Variants in YEATS4 observed in about 807,000 individuals in gnomAD.
YEATS4 encodes YEATS domain-containing protein 4.
YEATS4 carries 17 observed loss-of-function variants against 30.1 expected under a neutral mutation model. That is an observed-to-expected ratio of 0.56 (90% CI 0.39 to 0.85). The LOEUF (loss-of-function observed/expected upper bound fraction) is 0.85, where lower values mean the gene tolerates loss of function less well. YEATS4 is among the 40% of genes least tolerant of loss of function. YEATS4 has a pLI of 0.00. For synonymous variants in YEATS4, 85 were observed against 87.5 expected (o/e 0.97, Z 0.16); for missense variants, 142 against 268.3 (o/e 0.53, Z 3.29).
At chr12:69,385,314 G>C (rs930166406) in intron 6 of YEATS4, among the ~76,000 whole-genome samples, 1 of 151,960 alleles carries the variant, frequency 6.6e-6, no homozygotes, top group Admixed American at 6.6e-5. Context: ...GCACTCTCAT[G>C]AATTGTTTTG....
chr12:69,410,286 T>C, the YEATS4 span, among the ~76,000 whole-genome samples: 17 of 152,312 alleles, frequency 1.1e-4, no homozygotes, highest in Non-Finnish European at 2.1e-4. Flanking sequence ...CAACCACTCA[T>C]CTTCTTTGTA....
chr12:69,363,153 C>T (rs961563461), intron 2 of YEATS4, among the ~76,000 whole-genome samples: 6 of 151,398 alleles, frequency 4.0e-5, no homozygotes, highest in Non-Finnish European at 8.8e-5. Flanking sequence ...CCACCACGCC[C>T]GGCTAATTTT....
the YEATS4 span, among the ~76,000 whole-genome samples, chr12:69,404,602 G>A: frequency 7.9e-5 from 12 of 152,200 alleles, no homozygotes; most frequent in African/African-American, 2.7e-4. Context: ...GCAGATGCCA[G>A]TGCCATACCC....
At chr12:69,363,006 T>C in intron 2 of YEATS4, 99 bp downstream of exon 2, 1 of 1,171,100 alleles carries the variant, frequency 8.5e-7, no homozygotes. Context: ...TTTTTTTTTT[T>C]TTTTGAGATG....
intron 6 of YEATS4, among the ~76,000 whole-genome samples, chr12:69,382,965 G>T (rs1190170795): frequency 6.6e-6 from 1 of 152,166 alleles, no homozygotes; most frequent in African/African-American, 2.4e-5. Context: ...GCAATTCAGA[G>T]TACAGCTTTG....
the YEATS4 span, among the ~76,000 whole-genome samples, chr12:69,415,755 G>A: frequency 6.6e-6 from 1 of 152,234 alleles, no homozygotes; most frequent in African/African-American, 2.4e-5. Flanking sequence ...TGATCCCCTG[G>A]CCAGTCGGGG....
At chr12:69,373,882 A>G (rs1028039797) in intron 6 of YEATS4, among the ~76,000 whole-genome samples, 1 of 152,054 alleles carries the variant, frequency 6.6e-6, no homozygotes, top group African/African-American at 2.4e-5. Flanking sequence ...TGAAGAGACC[A>G]TTTTTTTCCT....
intron 6 of YEATS4, among the ~76,000 whole-genome samples, chr12:69,383,021 G>A (rs1375229186): frequency 2.6e-5 from 4 of 152,112 alleles, no homozygotes; most frequent in African/African-American, 9.7e-5. Context: ...GCACATTAGA[G>A]GGGCTAGCAT....
At chr12:69,380,685 G>T (rs1277086910) in intron 6 of YEATS4, among the ~76,000 whole-genome samples, 1 of 152,166 alleles carries the variant, frequency 6.6e-6, no homozygotes, top group Non-Finnish European at 1.5e-5. Context: ...GGGAAATTCA[G>T]CCAGATATCG....
chr12:69,381,201 C>T (rs1185255535), intron 6 of YEATS4, among the ~76,000 whole-genome samples: 1 of 152,120 alleles, frequency 6.6e-6, no homozygotes, highest in Non-Finnish European at 1.5e-5. Context: ...AGACAGCCGC[C>T]CCTGAAGCAG....
the YEATS4 span, among the ~76,000 whole-genome samples, chr12:69,411,760 G>A: frequency 6.6e-6 from 1 of 152,310 alleles, no homozygotes; most frequent in African/African-American, 2.4e-5. Flanking sequence ...TGGGAATAAT[G>A]GTCCAGGCAG....
chr12:69,422,457 C>A, the YEATS4 span, among the ~76,000 whole-genome samples: 2 of 151,732 alleles, frequency 1.3e-5, no homozygotes, highest in African/African-American at 4.8e-5. Context: ...CATGGAAAAA[C>A]CCTGTCCATA....
At chr12:69,366,578 G>T (rs1003537196) in intron 4 of YEATS4, among the ~76,000 whole-genome samples, 6 of 151,872 alleles carry the variant, frequency 4.0e-5, no homozygotes, top group East Asian at 1.9e-4. Flanking sequence ...TTTTTCTTTT[G>T]AGTAAAACCA....
At chr12:69,371,041 T>C in intron 6 of YEATS4, 66 bp downstream of exon 6, 2 of 1,491,786 alleles carry the variant, frequency 1.3e-6, no homozygotes, top group Non-Finnish European at 1.8e-6. Flanking sequence ...GGTTGTATGA[T>C]TCGTGCCTTT....
chr12:69,394,852 G>A (rs1024444111), downstream of YEATS4, among the ~76,000 whole-genome samples: 3 of 152,100 alleles, frequency 2.0e-5, no homozygotes, highest in African/African-American at 4.8e-5. Context: ...AAAATGCTGC[G>A]ATTACAGGCA....
At chr12:69,371,732 G>A in intron 6 of YEATS4, among the ~76,000 whole-genome samples, 1 of 152,156 alleles carries the variant, frequency 6.6e-6, no homozygotes, top group East Asian at 1.9e-4. Flanking sequence ...ACATTCTAGT[G>A]GGAGGAAAAC....
intron 1 of YEATS4, among the ~76,000 whole-genome samples, chr12:69,362,017 T>TTTTTTTTTG (rs1565673718): frequency 1.5e-5 from 2 of 131,530 alleles, no homozygotes; most frequent in African/African-American, 5.7e-5. Context: ...TTGGTTGTTT[T>TTTTTTTTTG]TTTTTTTTTT....
chr12:69,372,868 A>G (rs1399142555), intron 6 of YEATS4, among the ~76,000 whole-genome samples: 1 of 113,648 alleles, frequency 8.8e-6, no homozygotes, highest in Admixed American at 9.2e-5. Context: ...TCCCACAAAT[A>G]AGTGAGAATA....
chr12:69,370,985 A>T lies in YEATS4; in HGVS notation c.514+10A>T. On this transcript the variant is annotated intron_variant, in intron 6 of 6. Transcript: ENST00000247843. ...AAGCATGAAACAGAATGTAAGTGCC[A>T]TGCATTCATAATTCTGAAAAATAAC... The T allele has an allele frequency of 6.2e-7, 1 of 1,602,168 alleles. No homozygotes were observed.
Sources: gnomAD v4.1 joint callset for allele counts (sites outside exome capture counted in the v4.1 genomes callset) on GRCh38, gnomAD v4.1.1 for gene constraint, MANE v1.5 for transcripts, NCBI Gene and HGNC (gene_info 2026-07-23, HGNC 2026-07-21) for gene names.